Variants in GRIP2 observed in about 807,000 individuals in gnomAD.
GRIP2 encodes glutamate receptor-interacting protein 2.
GRIP2 carries 58 observed loss-of-function variants against 108.3 expected under a neutral mutation model. That is an observed-to-expected ratio of 0.54 (90% CI 0.43 to 0.67). GRIP2 has a LOEUF of 0.67. Among genes scored for constraint, GRIP2 ranks in the 30% least tolerant of loss-of-function variants. GRIP2 has a pLI of 0.00. For missense variants in GRIP2, 1,278 were observed against 1,430.6 expected (o/e 0.89, Z 1.72); for synonymous variants, 586 against 598.2 (o/e 0.98, Z 0.30).
the GRIP2 span, among the ~76,000 whole-genome samples, chr3:14,577,432 G>T: frequency 3.9e-5 from 6 of 152,294 alleles, no homozygotes; most frequent in East Asian, 9.6e-4. Flanking sequence ...GACACATGCA[G>T]TGATGGTTTG....
chr3:14,548,957 C>G (rs1695100163), intron 1 of GRIP2, among the ~76,000 whole-genome samples: 1 of 152,182 alleles, frequency 6.6e-6, no homozygotes, highest in African/African-American at 2.4e-5. Flanking sequence ...AGAGGCCCAC[C>G]CTGGCCATGT....
intron 1 of GRIP2, among the ~76,000 whole-genome samples, chr3:14,554,653 AC>A (rs1575037755): frequency 7.2e-6 from 1 of 138,852 alleles, no homozygotes; most frequent in Admixed American, 7.1e-5. Context: ...ACGGACACCC[AC>A]CCCCATCCCC....
chr3:14,586,077 C>T, the GRIP2 span, among the ~76,000 whole-genome samples: 1 of 152,210 alleles, frequency 6.6e-6, no homozygotes, highest in East Asian at 1.9e-4. Flanking sequence ...TTCAAACACA[C>T]CAGGTGCACT....
the GRIP2 span, among the ~76,000 whole-genome samples, chr3:14,562,305 G>A: frequency 6.6e-6 from 1 of 152,216 alleles, no homozygotes; most frequent in Non-Finnish European, 1.5e-5. Context: ...AGTGTTCAGG[G>A]TCTGAGTGGG....
intron 21 of GRIP2, among the ~76,000 whole-genome samples, chr3:14,499,041 C>T (rs1159458188): frequency 6.6e-6 from 1 of 152,162 alleles, no homozygotes; most frequent in Non-Finnish European, 1.5e-5. Flanking sequence ...AAATGTCTGC[C>T]CACAGGGGTA....
chr3:14,506,227 C>T (rs1693922850), intron 19 of GRIP2, among the ~76,000 whole-genome samples: 1 of 152,208 alleles, frequency 6.6e-6, no homozygotes, highest in South Asian at 2.1e-4. Context: ...GAGGCCTCGC[C>T]CCCCCTACCC....
intron 17 of GRIP2, 80 bp downstream of exon 17, chr3:14,509,740 G>A: frequency 7.7e-7 from 1 of 1,292,290 alleles, no homozygotes; most frequent in South Asian, 2.3e-5. Flanking sequence ...TCAGAATCTT[G>A]CTTGGCTTTG....
chr3:14,557,881 T>A (rs540927941), upstream of GRIP2, among the ~76,000 whole-genome samples: 1 of 152,226 alleles, frequency 6.6e-6, no homozygotes, highest in Non-Finnish European at 1.5e-5. Context: ...ATCTGACAGA[T>A]GGGGCTAACA....
intron 7 of GRIP2, 191 bp from the exon 8 acceptor site, chr3:14,520,728 G>C (rs1226870936): frequency 3.1e-6 from 2 of 639,238 alleles, no homozygotes; most frequent in African/African-American, 1.8e-5. Flanking sequence ...TGACAGATAA[G>C]ATAGCAGTGG....
rs199933854 is a variant in GRIP2 at position 14,503,614 on chromosome 3, G to T, written c.2631C>A (p.Leu877=). The change falls in exon 21 of 24, where the codon CTC becomes CTA. Residue 877 remains leucine (L), a synonymous_variant. Transcript: ENST00000621039. The part of the protein sequence containing the change: ...EGFWRMFGEA[L]EDLESCGQSE... ...ACTGACCACATGACTCCAGGTCTTC[G>T]AGAGCTTCTCCAAACATGCGCCAGA... 1.3e-5 allele frequency: 21 copies of T among 1,609,504 alleles called. No individual in the cohort carries two copies. Among genetic ancestry groups the T allele is most frequent in the Non-Finnish European group, 1.7e-5 (20 of 1,177,890 alleles).
At chr3:14,529,882 G>A (rs1694664158) in intron 1 of GRIP2, among the ~76,000 whole-genome samples, 1 of 152,066 alleles carries the variant, frequency 6.6e-6, no homozygotes, top group South Asian at 2.1e-4. Context: ...AGGGCTCCAG[G>A]GTCCAGAGAG....
In GRIP2 at chr3:14,505,509, CCCG is replaced by C; in HGVS notation, c.2573+103_2573+105del. 7.8e-7 allele frequency: 1 copy of C among 1,281,280 alleles called. No homozygotes were observed. Among genetic ancestry groups the C allele is most frequent in the Admixed American group, 2.2e-5 (1 of 46,136 alleles). The allele number at this position is 1,281,280 out of a possible 1,614,324, so 79.4% of individuals were successfully genotyped here. A position where few individuals can be genotyped will look rare whatever the true frequency, so the allele number is the denominator to read the frequency against. Reference sequence around the variant, plus strand: ...CCCAGGAGGCACCCCTCCTCAGGAGCCCGCCAAGACTCTCCATTCCCCCACCAC... The same window carrying C: ...CCCAGGAGGCACCCCTCCTCAGGAGCCCAAGACTCTCCATTCCCCCACCAC... On this transcript the variant is annotated intron_variant, in intron 20 of 23. Coordinates refer to ENST00000621039, the MANE Select transcript of GRIP2 (RefSeq NM_001080423.4). This position sits in a 1 kb window ranked among gnomAD's most constrained non-coding sequence, Gnocchi z 4.2.
chr3:14,507,529 G>A lies in GRIP2; in HGVS notation c.2218+32C>T, dbSNP rs1172228056. 6.2e-7 allele frequency: 1 copy of A among 1,607,334 alleles called. No homozygotes were observed. The highest frequency in any genetic ancestry group is 1.1e-5 in the South Asian group (1 of 90,982). On this transcript the variant is annotated intron_variant, in intron 18 of 23. Transcript: ENST00000621039. The surrounding 1 kb of genome is among the most constrained non-coding windows in gnomAD (Gnocchi z 4.6). ...AGGGATTGCCCTTCCTAAACCTGCT[G>A]GGTGGCTCCCAGGGGATGAAGCGAA...
At chr3:14,497,307 C>T (rs544895993) in intron 21 of GRIP2, among the ~76,000 whole-genome samples, 2 of 152,130 alleles carry the variant, frequency 1.3e-5, no homozygotes, top group Non-Finnish European at 2.9e-5. Context: ...CATTGCTAAT[C>T]GCCAACATAA....
At chr3:14,598,850 C>T in the GRIP2 span, among the ~76,000 whole-genome samples, 1 of 152,152 alleles carries the variant, frequency 6.6e-6, no homozygotes, top group Non-Finnish European at 1.5e-5. Flanking sequence ...TTTATATTTG[C>T]TGTTCCCTCC....
Position 14,496,613 on chromosome 3 carries a change from C to T in GRIP2, c.2680-53G>A, listed in dbSNP as rs867788567. The T allele has an allele frequency of 1.8e-5, 28 of 1,559,344 alleles. No homozygotes were observed. In the Middle Eastern group the frequency reaches 8.5e-4, roughly 47 times the overall value. ...ATGCTTGTTGGCTTGCCCCATCAGG[C>T]AGTCAGCATCCACTGACAACTACTA... On this transcript the variant is annotated intron_variant, in intron 21 of 23. Transcript: ENST00000621039.
chr3:14,504,625 A>G (rs1348733162), intron 20 of GRIP2, among the ~76,000 whole-genome samples: 3 of 152,108 alleles, frequency 2.0e-5, no homozygotes, highest in Admixed American at 1.3e-4. Context: ...TTGCTCTTTT[A>G]CAGGGGCACG....
At position 14,514,315 on chromosome 3, in the gene GRIP2, G is replaced by A. The variant is rs1157318275; in HGVS notation, c.1470C>T (p.Ile490=). Residue 490 remains isoleucine (I), a synonymous_variant, in exon 12 of 24, where the codon ATC becomes ATT. Coordinates refer to ENST00000621039, the MANE Select transcript of GRIP2 (RefSeq NM_001080423.4). ...ACCTCTCAGCCGGACTGTCAGGCTC[G>A]ATGAAGCACACGAGGGGTGGGGAGG... The part of the protein sequence containing the change: ...TLSSPPLVCF[I]EPDSPAERCG... 1.1e-5 allele frequency: 18 copies of A among 1,571,476 alleles called. No individual in the cohort carries two copies. In the East Asian group the frequency reaches 1.9e-4, roughly 16 times the overall value.
chr3:14,525,248 G>A (rs1389013696), intron 3 of GRIP2, among the ~76,000 whole-genome samples, 189 bp downstream of exon 3: 1 of 152,198 alleles, frequency 6.6e-6, no homozygotes, highest in Non-Finnish European at 1.5e-5. Context: ...AAAGAAAAGA[G>A]AAGCCAGGGC....
Sources: allele counts gnomAD v4.1 joint callset (sites outside exome capture counted in the v4.1 genomes callset), GRCh38; gene constraint gnomAD v4.1.1; non-coding constraint Gnocchi (gnomAD v3.1); transcripts MANE v1.5; gene names NCBI Gene and HGNC (gene_info 2026-07-23, HGNC 2026-07-21).